Variants in GSK3B observed in about 807,000 individuals in gnomAD.
GSK3B encodes the protein glycogen synthase kinase 3 beta.
A neutral mutation model predicts 56.4 loss-of-function variants in GSK3B; 15 were observed. The observed-to-expected ratio is 0.27, with a 90% CI of 0.18 to 0.41. The LOEUF is 0.41. GSK3B is among the 10% of genes least tolerant of loss of function. GSK3B has a pLI of 1.00. For synonymous variants in GSK3B, 181 were observed against 188.9 expected (o/e 0.96, Z 0.34); for missense variants, 300 against 513.4 (o/e 0.58, Z 4.02).
chr3:119,902,251 A>G (rs1046552021), intron 7 of GSK3B, among the ~76,000 whole-genome samples: 1 of 152,228 alleles, frequency 6.6e-6, no homozygotes, highest in Non-Finnish European at 1.5e-5. Context: ...GGAAAACTAG[A>G]ATAGCTAGAT....
At chr3:119,865,933 A>T (rs2108037490) in intron 8 of GSK3B, among the ~76,000 whole-genome samples, 1 of 152,330 alleles carries the variant, frequency 6.6e-6, no homozygotes, top group Non-Finnish European at 1.5e-5. Flanking sequence ...ACATGTCAAA[A>T]GCCTACATTA....
intron 2 of GSK3B, among the ~76,000 whole-genome samples, chr3:119,982,583 G>C (rs1169373286): frequency 6.6e-6 from 1 of 152,178 alleles, no homozygotes; most frequent in Non-Finnish European, 1.5e-5. Context: ...AGCTTCAATA[G>C]CTGATTCGAT....
In GSK3B at chr3:119,826,616, A is replaced by G; in HGVS notation, c.*172T>C. The G allele has an allele frequency of 2.1e-6, 1 of 484,392 alleles. No individual in the cohort carries two copies. The highest frequency in any genetic ancestry group is 4.1e-6 in the Non-Finnish European group (1 of 245,164). The allele number at this position is 484,392 out of a possible 1,614,324, so 30.0% of individuals were successfully genotyped here. ...AATACAATGAAATTGGTTTGTATTT[A>G]TAGATATTTTACAAGGTTAAATAAG... On this transcript the variant is annotated 3_prime_UTR_variant, in exon 11 of 11. Coordinates refer to ENST00000264235, the MANE Select transcript of GSK3B (RefSeq NM_001146156.2).
At chr3:120,041,791 G>A (rs1176578885) in intron 1 of GSK3B, among the ~76,000 whole-genome samples, 2 of 152,124 alleles carry the variant, frequency 1.3e-5, no homozygotes, top group African/African-American at 4.8e-5. Flanking sequence ...GTGATTGAAG[G>A]AAAAAGACAC....
In GSK3B at chr3:120,036,930, CAT is replaced by C. The variant is rs981907708; in HGVS notation, c.89-34693_89-34692del. Among the ~76,000 whole-genome samples, 60 of 150,846 alleles carry C rather than the reference CAT, an allele frequency of 4.0e-4. 1 individual carries two copies. In the South Asian group the frequency reaches 0.011, roughly 27 times the overall value. On this transcript the variant is annotated intron_variant, in intron 1 of 10. Coordinates refer to ENST00000264235, the MANE Select transcript of GSK3B (RefSeq NM_001146156.2). Reference sequence around the variant, plus strand: ...TCAGACAAATTTACAAGTTCCCAAACATAGAAATAAAATTAATGTCAACACCT... The same window carrying C: ...TCAGACAAATTTACAAGTTCCCAAACAGAAATAAAATTAATGTCAACACCT...
Position 119,822,079 on chromosome 3 carries a change from A to T in GSK3B, c.*4709T>A, listed in dbSNP as rs2055417162. On this transcript the variant is annotated 3_prime_UTR_variant, in exon 11 of 11. Coordinates refer to ENST00000264235, the MANE Select transcript of GSK3B (RefSeq NM_001146156.2). ...AAGGGAATGGGGAAAGGGAAAAAAA[A>T]CATTGAGCATACTTTTCACAAAAAA... The T allele has an allele frequency of 5.0e-6, 1 of 198,886 alleles. No individual in the cohort carries two copies. The highest frequency in any genetic ancestry group is 1.9e-4 in the South Asian group (1 of 5,140). 12.3% of individuals were successfully genotyped at this position (198,886 alleles called of 1,614,324 possible). A position where few individuals can be genotyped will look rare whatever the true frequency, so the allele number is the denominator to read the frequency against.
rs2056676230 is a variant in GSK3B at position 119,905,702 on chromosome 3, A to G, written c.813+53T>C. On this transcript the variant is annotated intron_variant, in intron 7 of 10. Transcript: ENST00000264235. ...GTGTACATGTGTGATATATATTATT[A>G]AAGTAGCACAAAAATTCCTTCCAGT... 3 of 990,446 alleles carry G rather than the reference A, an allele frequency of 3.0e-6. No homozygotes were observed. The Admixed American group carries it at 5.1e-5, about 17-fold the overall frequency. 61.4% of individuals were successfully genotyped at this position (990,446 alleles called of 1,614,324 possible).
rs375250264 is a variant in GSK3B, at chr3:119,917,319, T to C, written c.478-1145A>G. ...CATCCTTGAAGTTAATGTGAACTAT[T>C]AGCTGGAAAAGTTTATGTTTTCTTT... On this transcript the variant is annotated intron_variant, in intron 4 of 10. Transcript: ENST00000264235. 1.1e-4 allele frequency among the ~76,000 whole-genome samples: 17 copies of C among 152,296 alleles called. No individual in the cohort carries two copies. The South Asian group carries it at 1.9e-3, about 17-fold the overall frequency.
intron 1 of GSK3B, among the ~76,000 whole-genome samples, chr3:120,010,841 G>A (rs558279926): frequency 3.6e-4 from 55 of 152,220 alleles, no homozygotes; most frequent in Non-Finnish European, 6.9e-4. Context: ...GCCAAGGTGG[G>A]CGGATCACTC....
chr3:120,077,790 T>C (rs147068170), intron 1 of GSK3B, among the ~76,000 whole-genome samples: 232 of 152,312 alleles, frequency 1.5e-3, no homozygotes, highest in Middle Eastern at 3.4e-3. Flanking sequence ...TTATTTTAAA[T>C]TAATTGCTTA....
At chr3:120,022,217 A>T (rs770758653) in intron 1 of GSK3B, among the ~76,000 whole-genome samples, 4 of 152,248 alleles carry the variant, frequency 2.6e-5, no homozygotes, top group Non-Finnish European at 5.9e-5. Flanking sequence ...AACACTGAGC[A>T]GCAAAAAGAT....
intron 9 of GSK3B, among the ~76,000 whole-genome samples, chr3:119,845,431 A>C (rs905490043): frequency 6.6e-6 from 1 of 152,234 alleles, no homozygotes; most frequent in Non-Finnish European, 1.5e-5. Flanking sequence ...GCCTCAGCCC[A>C]AAATCTCCTT....
At chr3:119,936,974 G>T (rs1194484958) in intron 3 of GSK3B, among the ~76,000 whole-genome samples, 1 of 151,988 alleles carries the variant, frequency 6.6e-6, no homozygotes. Context: ...ATGCAGGATA[G>T]ACCATATATT....
At chr3:119,913,194 C>G (rs2056751992) in intron 5 of GSK3B, among the ~76,000 whole-genome samples, 1 of 152,076 alleles carries the variant, frequency 6.6e-6, no homozygotes, top group South Asian at 2.1e-4. Context: ...AGAATGAATA[C>G]TCCTCACCCA....
At chr3:119,867,835 A>G (rs1031002891) in intron 8 of GSK3B, among the ~76,000 whole-genome samples, 3 of 152,218 alleles carry the variant, frequency 2.0e-5, no homozygotes, top group Non-Finnish European at 2.9e-5. Context: ...TTTAGTCTGC[A>G]GACTAAAATT....
chr3:120,036,515 C>T (rs1336667332), intron 1 of GSK3B, among the ~76,000 whole-genome samples: 1 of 152,088 alleles, frequency 6.6e-6, no homozygotes. Flanking sequence ...GCAAATCTGG[C>T]TGGGCAGTGG....
chr3:119,971,453 G>C (rs2057365167), intron 2 of GSK3B, among the ~76,000 whole-genome samples: 1 of 151,950 alleles, frequency 6.6e-6, no homozygotes, highest in African/African-American at 2.4e-5. Flanking sequence ...AAGAGTTTTA[G>C]GGCAGAATTA....
chr3:120,059,001 C>T (rs1239737781), intron 1 of GSK3B, among the ~76,000 whole-genome samples: 1 of 144,906 alleles, frequency 6.9e-6, no homozygotes, highest in Non-Finnish European at 1.5e-5. Context: ...CAGAGCAAGA[C>T]TCTGTCTCAA....
At chr3:119,873,194 A>G (rs540371931) in intron 8 of GSK3B, among the ~76,000 whole-genome samples, 1 of 152,184 alleles carries the variant, frequency 6.6e-6, no homozygotes, top group South Asian at 2.1e-4. Context: ...GGAGTTTTTA[A>G]TTCTCAAGAT....
Sources: gnomAD v4.1 joint callset for allele counts (sites outside exome capture counted in the v4.1 genomes callset) on GRCh38, gnomAD v4.1.1 for gene constraint, MANE v1.5 for transcripts, NCBI Gene and HGNC (gene_info 2026-07-23, HGNC 2026-07-21) for gene names.